RBM47: variants seen among roughly 807,000 people sequenced by gnomAD.
The protein encoded by RBM47 is RNA-binding protein 47.
Under a neutral mutation model 47.1 loss-of-function variants are expected in RBM47, and 21 were observed. The ratio of observed to expected loss-of-function variants is 0.45; its 90% confidence interval spans 0.32 to 0.64. RBM47 has a LOEUF of 0.64. RBM47 is among the 30% of genes least tolerant of loss of function. RBM47 has a pLI of 0.05. For synonymous variants in RBM47, 375 were observed against 361.7 expected (o/e 1.04, Z -0.42); for missense variants, 708 against 870.9 (o/e 0.81, Z 2.35).
At chr4:40,535,371 C>CTTTTTTTTTTTTTTTTCTTTTCT (rs1727841452) in intron 2 of RBM47, among the ~76,000 whole-genome samples, 1 of 103,460 alleles carries the variant, frequency 9.7e-6, no homozygotes, top group African/African-American at 4.3e-5. Context: ...TATGGTATTT[C>CTTTTTTTTTTTTTTTTCTTTTCT]TTTTTTTTTT....
chr4:40,433,556 G>A (rs1282745132), intron 5 of RBM47, among the ~76,000 whole-genome samples: 3 of 152,174 alleles, frequency 2.0e-5, no homozygotes, highest in African/African-American at 7.2e-5. Context: ...GAGATCAGAG[G>A]CTTGAAGCCT....
At chr4:40,503,857 G>A (rs551267318) in intron 2 of RBM47, among the ~76,000 whole-genome samples, 1 of 151,964 alleles carries the variant, frequency 6.6e-6, no homozygotes, top group Admixed American at 6.6e-5. Context: ...CGCAAAAGAG[G>A]ACACGGAAAT....
chr4:40,595,417 C>T (rs1734661091), intron 1 of RBM47, among the ~76,000 whole-genome samples: 2 of 151,910 alleles, frequency 1.3e-5, no homozygotes, highest in Non-Finnish European at 2.9e-5. Context: ...CTGCTTGAAC[C>T]CGGGAGGTGG....
intron 3 of RBM47, among the ~76,000 whole-genome samples, chr4:40,443,834 C>T (rs912467625): frequency 1.4e-5 from 2 of 146,476 alleles, no homozygotes; most frequent in African/African-American, 5.0e-5. Context: ...GTTTAATATA[C>T]CATATTAAAT....
chr4:40,588,962 G>A (rs1733857445), intron 1 of RBM47, among the ~76,000 whole-genome samples: 1 of 148,386 alleles, frequency 6.7e-6, no homozygotes, highest in South Asian at 2.2e-4. Context: ...TTAGGGGAAA[G>A]AGGTTAGAGG....
intron 2 of RBM47, among the ~76,000 whole-genome samples, chr4:40,470,388 C>T (rs1305290345): frequency 6.6e-6 from 1 of 152,106 alleles, no homozygotes; most frequent in Non-Finnish European, 1.5e-5. Flanking sequence ...ATCTCACAGC[C>T]GCTCATGACT....
At chr4:40,607,746 A>C (rs1046204523) in intron 1 of RBM47, among the ~76,000 whole-genome samples, 2 of 151,992 alleles carry the variant, frequency 1.3e-5, no homozygotes, top group Non-Finnish European at 2.9e-5. Context: ...ATTCTGGAAT[A>C]GATCATGGTG....
intron 1 of RBM47, among the ~76,000 whole-genome samples, chr4:40,563,452 C>A (rs6841429): frequency 0.28 from 41,949 of 152,120 alleles, 7,782 homozygotes; most frequent in African/African-American, 0.53. Flanking sequence ...GCAGGATGAC[C>A]CATGGCCCGC....
intron 2 of RBM47, among the ~76,000 whole-genome samples, chr4:40,539,757 A>G (rs1391592960): frequency 1.3e-5 from 2 of 150,426 alleles, no homozygotes; most frequent in Non-Finnish European, 3.0e-5. Flanking sequence ...AAAAAAAAAA[A>G]AAAAAAAAAA....
In RBM47 at chr4:40,590,737, A is replaced by AT. The variant is rs142995491; in HGVS notation, c.-240+38658_-240+38659insA. On this transcript the variant is annotated intron_variant, in intron 1 of 6. Coordinates refer to ENST00000295971, the MANE Select transcript of RBM47 (RefSeq NM_001098634.2). The stretch of plus-strand genomic sequence containing the variant: ...AGAAATGAAGTGCTGGACATGCCAT[A>AT]ACATGGATGGACTGTGAGCATATCA... Among the ~76,000 whole-genome samples, 257 of 152,358 alleles carry AT rather than the reference A, an allele frequency of 1.7e-3. 1 individual carries two copies. The highest frequency in any genetic ancestry group is 6.0e-3 in the African/African-American group (250 of 41,586).
At chr4:40,588,480 G>A (rs1366433598) in intron 1 of RBM47, among the ~76,000 whole-genome samples, 2 of 152,200 alleles carry the variant, frequency 1.3e-5, no homozygotes, top group African/African-American at 4.8e-5. Flanking sequence ...GGGTCAGGGA[G>A]CAAGCTATGT....
At chr4:40,469,827 G>T (rs983647472) in intron 2 of RBM47, among the ~76,000 whole-genome samples, 16 of 151,804 alleles carry the variant, frequency 1.1e-4, no homozygotes, top group Non-Finnish European at 2.1e-4. Context: ...TAGAGATGGG[G>T]TTTTGCCATG....
At chr4:40,617,311 C>T (rs956168031) in intron 1 of RBM47, among the ~76,000 whole-genome samples, 6 of 152,076 alleles carry the variant, frequency 3.9e-5, no homozygotes, top group Non-Finnish European at 8.8e-5. Context: ...GTAATCCCAA[C>T]ACTTTAGAAG....
At chr4:40,575,925 T>A (rs757057901) in intron 1 of RBM47, among the ~76,000 whole-genome samples, 4 of 152,180 alleles carry the variant, frequency 2.6e-5, no homozygotes, top group Non-Finnish European at 4.4e-5. Context: ...ATCTCAGAGG[T>A]GCTCTCTGAT....
intron 3 of RBM47, among the ~76,000 whole-genome samples, chr4:40,456,174 A>G (rs1402243244): frequency 2.6e-5 from 4 of 152,200 alleles, no homozygotes; most frequent in Non-Finnish European, 5.9e-5. Context: ...GTGCCTACCC[A>G]TTGAATGTAG....
intron 1 of RBM47, among the ~76,000 whole-genome samples, chr4:40,549,114 G>C (rs1005612151): frequency 6.0e-5 from 9 of 150,722 alleles, no homozygotes. Flanking sequence ...TTTTTTGGGG[G>C]GGGGGACACA....
At chr4:40,603,223 T>C (rs1401311685) in intron 1 of RBM47, among the ~76,000 whole-genome samples, 1 of 152,194 alleles carries the variant, frequency 6.6e-6, no homozygotes, top group Non-Finnish European at 1.5e-5. Context: ...TACACCCTGT[T>C]AGCTTCTTTC....
chr4:40,498,248 C>G (rs1333691723), intron 2 of RBM47, among the ~76,000 whole-genome samples: 4 of 151,606 alleles, frequency 2.6e-5, no homozygotes, highest in African/African-American at 9.7e-5. Context: ...GGTGAGCCTT[C>G]CAGTAATGCA....
chr4:40,553,218 A>G (rs530603970), intron 1 of RBM47, among the ~76,000 whole-genome samples: 9 of 146,662 alleles, frequency 6.1e-5, no homozygotes, highest in African/African-American at 1.3e-4. Context: ...CCAACTGTAT[A>G]CTCTTTCTTC....
Sources: allele counts gnomAD v4.1 joint callset (sites outside exome capture counted in the v4.1 genomes callset), GRCh38; gene constraint gnomAD v4.1.1; transcripts MANE v1.5; gene names NCBI Gene and HGNC (gene_info 2026-07-23, HGNC 2026-07-21).